The following FNIP2 variants were observed in gnomAD, a reference collection of about 807,000 sequenced individuals.
FNIP2 encodes folliculin-interacting protein 2.
A neutral mutation model predicts 108.7 loss-of-function variants in FNIP2; 32 were observed. The ratio of observed to expected loss-of-function variants is 0.29; its 90% CI spans 0.22 to 0.40. FNIP2 has a LOEUF of 0.40. Among genes scored for constraint, FNIP2 ranks in the 10% least tolerant of loss-of-function variants. The pLI, the probability that FNIP2 is intolerant of heterozygous loss-of-function variation, is 1.00. For synonymous variants in FNIP2, 480 were observed against 496.7 expected (o/e 0.97, Z 0.45); for missense variants, 1,202 against 1,381.6 (o/e 0.87, Z 2.06).
intron 14 of FNIP2, among the ~76,000 whole-genome samples, chr4:158,876,834 A>T (rs1434839854): frequency 6.6e-6 from 1 of 152,238 alleles, no homozygotes; most frequent in Admixed American, 6.5e-5. Context: ...CTTTCTTTAA[A>T]GAAACTTAAA....
intron 1 of FNIP2, among the ~76,000 whole-genome samples, chr4:158,818,292 A>G (rs573013546): frequency 1.3e-5 from 2 of 152,246 alleles, no homozygotes; most frequent in African/African-American, 4.8e-5. Flanking sequence ...ACAAGTTCAG[A>G]GCTACAACTA....
At chr4:158,901,656 G>T (rs1270380296) in intron 16 of FNIP2, among the ~76,000 whole-genome samples, 1 of 151,848 alleles carries the variant, frequency 6.6e-6, no homozygotes, top group Non-Finnish European at 1.5e-5. Context: ...TTTTCACATA[G>T]TCTCATATTT....
chr4:158,840,441 G>A (rs1779062393), intron 7 of FNIP2, among the ~76,000 whole-genome samples: 1 of 152,024 alleles, frequency 6.6e-6, no homozygotes, highest in Non-Finnish European at 1.5e-5. Context: ...TGTCACCCAG[G>A]CTGGAGTGCA....
At chr4:158,827,986 A>G (rs180771268) in intron 2 of FNIP2, among the ~76,000 whole-genome samples, 69 of 149,730 alleles carry the variant, frequency 4.6e-4, no homozygotes, top group East Asian at 2.9e-3. Flanking sequence ...CTACACAAGG[A>G]AAAAAAAAAG....
chr4:158,884,119 T>C (rs748301993), intron 14 of FNIP2, among the ~76,000 whole-genome samples: 2 of 152,152 alleles, frequency 1.3e-5, no homozygotes, highest in Non-Finnish European at 2.9e-5. Flanking sequence ...GATAATCACG[T>C]GAAATACTAG....
At chr4:158,857,786 A>C (rs996522402) in intron 8 of FNIP2, among the ~76,000 whole-genome samples, 13 of 138,554 alleles carry the variant, frequency 9.4e-5, no homozygotes, top group African/African-American at 4.2e-4. Flanking sequence ...CTACCAAAAA[A>C]AAAAAAAAAA....
At chr4:158,815,821 T>C (rs1777536943) in intron 1 of FNIP2, among the ~76,000 whole-genome samples, 1 of 152,220 alleles carries the variant, frequency 6.6e-6, no homozygotes, top group Non-Finnish European at 1.5e-5. Context: ...CAATATTTTA[T>C]ACTTATTTTC....
intron 7 of FNIP2, 137 bp from the exon 8 acceptor site, chr4:158,851,182 GAA>G: frequency 3.2e-6 from 3 of 923,306 alleles, no homozygotes; most frequent in Non-Finnish European, 4.6e-6. Flanking sequence ...TTTTAGTGGC[GAA>G]GTGTACAGTT....
At chr4:158,829,419 CAAGCAGAGGT>C (rs1376877954) in intron 3 of FNIP2, among the ~76,000 whole-genome samples, 194 bp downstream of exon 3, 1 of 152,126 alleles carries the variant, frequency 6.6e-6, no homozygotes, top group Non-Finnish European at 1.5e-5. Flanking sequence ...AAACTGTAAT[CAAGCAGAGGT>C]AATACAGCCT....
intron 1 of FNIP2, among the ~76,000 whole-genome samples, chr4:158,777,471 T>C (rs570620678): frequency 2.0e-5 from 3 of 152,378 alleles, no homozygotes; most frequent in East Asian, 1.9e-4. Flanking sequence ...GAATCTGACA[T>C]GTTCTTTAAA....
intron 8 of FNIP2, among the ~76,000 whole-genome samples, chr4:158,856,039 G>A (rs940998953): frequency 6.6e-6 from 1 of 152,098 alleles, no homozygotes; most frequent in Non-Finnish European, 1.5e-5. Flanking sequence ...TTGGCTCCAC[G>A]CTGACCTCAG....
At chr4:158,834,248 G>A (rs1778649394) in intron 6 of FNIP2, 1 of 139,680 alleles carries the variant, frequency 7.2e-6, no homozygotes, top group Non-Finnish European at 1.5e-5. Context: ...TACCTGCACG[G>A]AGTTTCATTA....
intron 15 of FNIP2, among the ~76,000 whole-genome samples, chr4:158,892,829 G>A (rs1011274447): frequency 1.3e-5 from 2 of 152,122 alleles, no homozygotes; most frequent in African/African-American, 4.8e-5. Context: ...ATGCAAACCT[G>A]TTTACCCAAC....
chr4:158,890,666 GA>G (rs1302253075), intron 14 of FNIP2, among the ~76,000 whole-genome samples: 1 of 152,154 alleles, frequency 6.6e-6, no homozygotes, highest in Non-Finnish European at 1.5e-5. Flanking sequence ...TTTAGTGAAG[GA>G]ATATTAGGAA....
At chr4:158,885,467 G>A (rs886903209) in intron 14 of FNIP2, among the ~76,000 whole-genome samples, 11 of 152,154 alleles carry the variant, frequency 7.2e-5, no homozygotes, top group African/African-American at 2.7e-4. Flanking sequence ...ATGATCATGT[G>A]GTATTTTAAG....
chr4:158,841,513 T>C (rs1217090097), intron 7 of FNIP2, among the ~76,000 whole-genome samples: 1 of 152,168 alleles, frequency 6.6e-6, no homozygotes, highest in East Asian at 1.9e-4. Context: ...TAGAGTGCTT[T>C]GTAGAGAGGA....
intron 1 of FNIP2, chr4:158,806,233 T>C: frequency 7.8e-7 from 1 of 1,288,930 alleles, no homozygotes; most frequent in Non-Finnish European, 1.0e-6. Context: ...AGAAGAACAT[T>C]AAACCGTTCA....
At chr4:158,834,325 T>TCTCTCTCTCTCTCC (rs1390704315) in intron 6 of FNIP2, 14 of 149,912 alleles carry the variant, frequency 9.3e-5, no homozygotes, top group African/African-American at 3.5e-4. Flanking sequence ...TCTCTCTCTC[T>TCTCTCTCTCTCTCC]CTCTCCCTCT....
chr4:158,831,780 C>A, intron 3 of FNIP2, 81 bp from the exon 4 acceptor site: 2 of 883,310 alleles, frequency 2.3e-6, no homozygotes, highest in Non-Finnish European at 3.7e-6. Flanking sequence ...ATGACACTAA[C>A]GAGATTAATA....
Sources: allele counts gnomAD v4.1 joint callset (sites outside exome capture counted in the v4.1 genomes callset), GRCh38; gene constraint gnomAD v4.1.1; transcripts MANE v1.5; gene names NCBI Gene and HGNC (gene_info 2026-07-23, HGNC 2026-07-21).